The following MYL12B variants were observed in gnomAD, a reference collection of about 807,000 sequenced individuals.
The protein encoded by MYL12B is myosin regulatory light chain 12B.
Under a neutral mutation model 12.9 loss-of-function variants are expected in MYL12B, and 3 were observed. The observed-to-expected ratio is 0.23, with a 90% CI of 0.11 to 0.60. MYL12B has a LOEUF of 0.60. MYL12B is among the 20% of genes least tolerant of loss of function. MYL12B has a pLI of 0.89. For missense variants in MYL12B, 120 were observed against 215.4 expected, an observed-to-expected ratio of 0.56 and a Z score of 2.77; for synonymous variants, 57 against 71.9, an observed-to-expected ratio of 0.79 and a Z score of 1.05.
chr18:3,276,280 C>T (rs1387737048), intron 2 of MYL12B: 1 of 199,308 alleles, frequency 5.0e-6, no homozygotes, highest in Non-Finnish European at 8.9e-6. Context: ...ATCACACAAC[C>T]AGTGGTAGAA....
chr18:3,277,461 G>C (rs1051698461), intron 3 of MYL12B, 47 bp downstream of exon 3: 1 of 1,565,270 alleles, frequency 6.4e-7, no homozygotes, highest in African/African-American at 1.4e-5. Flanking sequence ...ACTATATAAA[G>C]TACTTCTGTG....
intron 1 of MYL12B, among the ~76,000 whole-genome samples, chr18:3,266,413 A>ATATCTTATTGTCACAG (rs2081635149): frequency 6.6e-6 from 1 of 152,116 alleles, no homozygotes; most frequent in Admixed American, 6.5e-5. Context: ...TCATTTCACA[A>ATATCTTATTGTCACAG]TATCTTATTG....
At chr18:3,266,568 A>G (rs982408269) in intron 1 of MYL12B, among the ~76,000 whole-genome samples, 1 of 55,192 alleles carries the variant, frequency 1.8e-5, no homozygotes, top group Non-Finnish European at 4.9e-5. Flanking sequence ...GAGGGGTCAG[A>G]CAGATAACAA....
intron 1 of MYL12B, among the ~76,000 whole-genome samples, chr18:3,264,633 C>T (rs375815248): frequency 6.6e-6 from 1 of 152,152 alleles, no homozygotes; most frequent in Non-Finnish European, 1.5e-5. Flanking sequence ...TCACTTGAGT[C>T]CAGGAGTTCA....
Position 3,276,591 on chromosome 18 carries a change from A to G in MYL12B, c.185-662A>G, listed in dbSNP as rs144538887. The stretch of plus-strand genomic sequence containing the variant: ...AAGCTGCCAATTCAAAACCATGCTA[A>G]TAGTTTAAACTTAAATGGCCAACTT... On this transcript the variant is annotated intron_variant, in intron 2 of 3. Transcript: ENST00000237500. 173 of 984,520 alleles carry G rather than the reference A, an allele frequency of 1.8e-4. 1 individual carries two copies. The East Asian group carries it at 0.018, about 100-fold the overall frequency. The allele number at this position is 984,520 out of a possible 1,614,324, so 61.0% of individuals were successfully genotyped here.
intron 1 of MYL12B, among the ~76,000 whole-genome samples, chr18:3,267,348 G>A (rs2081642075): frequency 6.6e-6 from 1 of 152,224 alleles, no homozygotes; most frequent in African/African-American, 2.4e-5. Context: ...AATGTGCTCT[G>A]TGAGCATCTT....
At chr18:3,277,540 ATC>A in intron 3 of MYL12B, 126 bp downstream of exon 3, 1 of 1,431,848 alleles carries the variant, frequency 7.0e-7, no homozygotes, top group South Asian at 1.5e-5. Context: ...TAAGCATATG[ATC>A]TGTTTCTGAG....
chr18:3,277,046 T>G (rs2081738162), intron 2 of MYL12B: 1 of 964,234 alleles, frequency 1.0e-6, no homozygotes, highest in African/African-American at 1.8e-5. Flanking sequence ...ACCTTCAATA[T>G]AAGCCTGGAA....
chr18:3,271,970 T>G lies in MYL12B; in HGVS notation c.-15-914T>G, dbSNP rs914967766. 4.0e-6 allele frequency: 3 copies of G among 741,384 alleles called. No homozygotes were observed. In the African/African-American group the frequency reaches 5.8e-5, roughly 14 times the overall value. 45.9% of individuals were successfully genotyped at this position (741,384 alleles called of 1,614,324 possible). Reference sequence around the variant, plus strand: ...CTGTAATCCCAGCAGTTTGGGAGGATCTCGAGCCTCAGAGTTCAAGATCAG... The same window carrying G: ...CTGTAATCCCAGCAGTTTGGGAGGAGCTCGAGCCTCAGAGTTCAAGATCAG... On this transcript the variant is annotated intron_variant, in intron 1 of 3. Coordinates refer to ENST00000237500, the MANE Select transcript of MYL12B (RefSeq NM_033546.4).
rs1311415645 is a variant in MYL12B at position 3,269,140 on chromosome 18, C to G, written c.-15-3744C>G. Among the ~76,000 whole-genome samples, 3 of 152,036 alleles carry G rather than the reference C, an allele frequency of 2.0e-5. No homozygotes were observed. In the East Asian group the frequency reaches 5.8e-4, roughly 29 times the overall value. On this transcript the variant is annotated intron_variant, in intron 1 of 3. Coordinates refer to ENST00000237500, the MANE Select transcript of MYL12B (RefSeq NM_033546.4). The stretch of plus-strand genomic sequence containing the variant: ...TAGAGAGGAGGCTGGAAAGGTCATT[C>G]TAGAGTAGGGAAAGGAAGACTCATG...
At position 3,275,250 on chromosome 18, in the gene MYL12B, G is replaced by C. The variant is rs560516806; in HGVS notation, c.185-2003G>C. 1.5e-3 allele frequency among the ~76,000 whole-genome samples: 229 copies of C among 152,228 alleles called. 3 individuals carry two copies. The South Asian group carries it at 0.032, about 21-fold the overall frequency. The stretch of plus-strand genomic sequence containing the variant: ...CTTCACATGTTCTCACACACTTGTG[G>C]GAGCTAAAAGTTAAAATAATTGAAC... On this transcript the variant is annotated intron_variant, in intron 2 of 3. Transcript: ENST00000237500.
At chr18:3,262,857 T>C (rs1356294537) in intron 1 of MYL12B, 1 of 152,266 alleles carries the variant, frequency 6.6e-6, no homozygotes, top group Non-Finnish European at 1.5e-5. Context: ...TCGCTCAGTG[T>C]GTCTTGCATC....
At chr18:3,268,320 A>G (rs1170440410) in intron 1 of MYL12B, among the ~76,000 whole-genome samples, 2 of 152,192 alleles carry the variant, frequency 1.3e-5, no homozygotes, top group Non-Finnish European at 2.9e-5. Context: ...GAGGGTTATT[A>G]CATTCATTTT....
intron 2 of MYL12B, 126 bp downstream of exon 2, chr18:3,273,208 G>T: frequency 1.9e-6 from 2 of 1,056,008 alleles, no homozygotes; most frequent in Non-Finnish European, 2.6e-6. Flanking sequence ...GAGATTTCTG[G>T]GTGTGGGAGG....
intron 1 of MYL12B, among the ~76,000 whole-genome samples, chr18:3,268,164 G>T (rs568387321): frequency 1.3e-5 from 2 of 152,296 alleles, no homozygotes; most frequent in South Asian, 4.1e-4. Context: ...GATAAGGAGG[G>T]ACTGCTGTAT....
chr18:3,273,153 T>G, intron 2 of MYL12B, 71 bp downstream of exon 2: 2 of 1,459,180 alleles, frequency 1.4e-6, no homozygotes, highest in Non-Finnish European at 1.8e-6. Flanking sequence ...CTTTTTTTTG[T>G]GCGATGTACA....
intron 1 of MYL12B, among the ~76,000 whole-genome samples, chr18:3,266,187 G>C (rs1443128): frequency 0.38 from 58,440 of 152,004 alleles, 14,304 homozygotes; most frequent in African/African-American, 0.7. Context: ...AGGTCACATG[G>C]GGAGGCTGCA....
chr18:3,273,043 A>G lies in MYL12B; in HGVS notation c.145A>G (p.Ile49Val), dbSNP rs2081694613. The G allele has an allele frequency of 6.2e-7, 1 of 1,607,518 alleles. No individual in the cohort carries two copies. The highest frequency in any genetic ancestry group is 2.2e-5 in the East Asian group (1 of 44,824). ...NMIDQNRDGF[I>V]DKEDLHDMLA... Reference sequence around the variant, plus strand: ...GATTGATCAGAACAGAGATGGCTTCATCGACAAGGAAGATTTGCATGATAT... The same window carrying G: ...GATTGATCAGAACAGAGATGGCTTCGTCGACAAGGAAGATTTGCATGATAT... The change falls in exon 2 of 4, where the codon ATC (isoleucine) becomes GTC (valine). Residue 49 changes from isoleucine (I) to valine (V), a missense_variant. Coordinates refer to ENST00000237500, the MANE Select transcript of MYL12B (RefSeq NM_033546.4).
chr18:3,278,079 C>A lies in MYL12B; in HGVS notation c.*142C>A. The A allele has an allele frequency of 1.0e-6, 1 of 974,886 alleles. No individual in the cohort carries two copies. Among genetic ancestry groups the A allele is most frequent in the Non-Finnish European group, 1.5e-6 (1 of 674,682 alleles). 60.4% of individuals were successfully genotyped at this position (974,886 alleles called of 1,614,324 possible). A position where few individuals can be genotyped will look rare whatever the true frequency, so the allele number is the denominator to read the frequency against. On this transcript the variant is annotated 3_prime_UTR_variant, in exon 4 of 4. Transcript: ENST00000237500. Reference sequence around the variant, plus strand: ...TCTTTTTGATGTATTTATTCCAGACCTTTCTGCCACTTAGCACTTGTATAA... The same window carrying A: ...TCTTTTTGATGTATTTATTCCAGACATTTCTGCCACTTAGCACTTGTATAA...
Sources: allele counts gnomAD v4.1 joint callset (sites outside exome capture counted in the v4.1 genomes callset), GRCh38; gene constraint gnomAD v4.1.1; transcripts MANE v1.5; gene names NCBI Gene and HGNC (gene_info 2026-07-23, HGNC 2026-07-21).